PCDHA2: variants seen among roughly 807,000 people sequenced by gnomAD.
The protein encoded by PCDHA2 is protocadherin alpha 2, also known as protocadherin alpha-2.
PCDHA2 carries 58 observed loss-of-function variants against 66.0 expected under a neutral mutation model. The ratio of observed to expected loss-of-function variants is 0.88; its 90% CI spans 0.71 to 1.09. The LOEUF (loss-of-function observed/expected upper bound fraction) is 1.09. Ranked by LOEUF, PCDHA2 falls within the 50% of genes least tolerant of loss-of-function variation. The pLI is 0.00. For synonymous variants in PCDHA2, 634 were observed against 554.0 expected (o/e 1.14, Z -2.03); for missense variants, 1,267 against 1,242.3 (o/e 1.02, Z -0.30).
rs144848413 is a variant in PCDHA2 at position 140,843,473 on chromosome 5, T to C, written c.2388+46121T>C. 4.9e-4 allele frequency: 775 copies of C among 1,595,974 alleles called. 42 individuals carry two copies. The African/African-American group carries it at 8.9e-3, about 18-fold the overall frequency. On this transcript the variant is annotated intron_variant, in intron 1 of 3. Coordinates refer to ENST00000526136, the MANE Select transcript of PCDHA2 (RefSeq NM_018905.3). ...CCTGCTGGTGCTCACGCTGCTGCTG[T>C]ACACTGCGCTGCGGTGCTCAGCACT...
At chr5:140,835,666 G>A in intron 1 of PCDHA2, 3 of 1,613,936 alleles carry the variant, frequency 1.9e-6, no homozygotes, top group Middle Eastern at 3.3e-4. Flanking sequence ...GTTACCGCGC[G>A]GGACGGGGGC....
chr5:140,858,465 T>C lies in PCDHA2; in HGVS notation c.2388+61113T>C, dbSNP rs1554151663. The C allele has an allele frequency of 1.3e-6, 2 of 1,522,706 alleles. 1 individual carries two copies. The allele number at this position is 1,522,706 out of a possible 1,614,324, so 94.3% of individuals were successfully genotyped here. ...GGTTATTACGTTTTCATTTTCCTTT[T>C]GTGCTTTATGAATAATATTTTCTCT... On this transcript the variant is annotated intron_variant, in intron 1 of 3. Coordinates refer to ENST00000526136, the MANE Select transcript of PCDHA2 (RefSeq NM_018905.3).
At chr5:140,882,282 G>A in intron 1 of PCDHA2, 3 of 1,612,830 alleles carry the variant, frequency 1.9e-6, no homozygotes, top group Non-Finnish European at 2.5e-6. Context: ...CTGTCTTCCT[G>A]GCAAGGAGGC....
rs373471484 is a variant in PCDHA2, at chr5:140,997,017, TA to T, written c.2537-12609del. 5.1e-4 allele frequency among the ~76,000 whole-genome samples: 78 copies of T among 152,304 alleles called. No individual in the cohort carries two copies. The South Asian group carries it at 0.011, about 21-fold the overall frequency. ...TAACAATTTTGTGTGTATCCTCCAA[TA>T]TTTTTTTGAAATTAATGAACTTTAC... On this transcript the variant is annotated intron_variant, in intron 3 of 3. Transcript: ENST00000526136.
intron 3 of PCDHA2, among the ~76,000 whole-genome samples, chr5:141,006,952 A>G (rs2098296225): frequency 1.3e-5 from 2 of 152,212 alleles, no homozygotes; most frequent in South Asian, 4.1e-4. Flanking sequence ...ATAGGCAGTT[A>G]TACATGAGAT....
chr5:140,963,856 C>T lies in PCDHA2; in HGVS notation c.2389-15093C>T, dbSNP rs76429225. 1.1e-4 allele frequency among the ~76,000 whole-genome samples: 16 copies of T among 152,242 alleles called. No individual in the cohort carries two copies. The East Asian group carries it at 2.5e-3, about 24-fold the overall frequency. On this transcript the variant is annotated intron_variant, in intron 1 of 3. Coordinates refer to ENST00000526136, the MANE Select transcript of PCDHA2 (RefSeq NM_018905.3). ...TTTCTCATGTAATCATAATAATAAC[C>T]GTATGAGTTTTGCTTACTATTGTTT... is the stretch of plus-strand genomic sequence containing the variant.
rs1781520198 is a variant in PCDHA2, at chr5:140,848,443, T to C, written c.2388+51091T>C. ...ATGGGACTGACGAAATCAGATGATTTCTTCTAATTTGGAGGCAATTTTCAC... is the reference window on the plus strand; with the variant it reads ...ATGGGACTGACGAAATCAGATGATTCCTTCTAATTTGGAGGCAATTTTCAC... On this transcript the variant is annotated intron_variant, in intron 1 of 3. Transcript: ENST00000526136. 5.4e-6 allele frequency: 8 copies of C among 1,493,744 alleles called. 1 individual carries two copies. The highest frequency in any genetic ancestry group is 7.3e-6 in the Non-Finnish European group (8 of 1,096,078). 92.5% of individuals were successfully genotyped at this position (1,493,744 alleles called of 1,614,324 possible).
intron 1 of PCDHA2, among the ~76,000 whole-genome samples, chr5:140,951,795 C>T (rs2094636851): frequency 6.6e-6 from 1 of 152,166 alleles, no homozygotes; most frequent in African/African-American, 2.4e-5. Context: ...ACAATTATCC[C>T]TTCCCAATGG....
chr5:140,999,890 T>C (rs2097882236), intron 3 of PCDHA2, among the ~76,000 whole-genome samples: 1 of 152,168 alleles, frequency 6.6e-6, no homozygotes, highest in South Asian at 2.1e-4. Context: ...CAGCTGTAGC[T>C]TGGGACACCA....
At chr5:140,998,696 C>G (rs1587806526) in intron 3 of PCDHA2, among the ~76,000 whole-genome samples, 1 of 152,182 alleles carries the variant, frequency 6.6e-6, no homozygotes, top group East Asian at 1.9e-4. Flanking sequence ...TCCCAAGTAG[C>G]TGGGATTACA....
intron 3 of PCDHA2, among the ~76,000 whole-genome samples, chr5:141,005,512 G>C (rs1015892170): frequency 6.6e-6 from 1 of 151,536 alleles, no homozygotes; most frequent in Non-Finnish European, 1.5e-5. Flanking sequence ...GACCATCCTG[G>C]CTAACACGGT....
At chr5:140,822,662 C>A in intron 1 of PCDHA2, 1 of 1,608,488 alleles carries the variant, frequency 6.2e-7, no homozygotes, top group Non-Finnish European at 8.5e-7. Flanking sequence ...ATAATTAATT[C>A]TAATACTGGT....
At chr5:140,962,295 A>G (rs1215334325) in intron 1 of PCDHA2, among the ~76,000 whole-genome samples, 2 of 152,196 alleles carry the variant, frequency 1.3e-5, no homozygotes, top group African/African-American at 4.8e-5. Flanking sequence ...TTAATATTCT[A>G]TGATTCTTGT....
At chr5:141,008,684 G>C (rs1426948038) in intron 3 of PCDHA2, among the ~76,000 whole-genome samples, 1 of 152,118 alleles carries the variant, frequency 6.6e-6, no homozygotes, top group Admixed American at 6.5e-5. Context: ...TTTAGTTATT[G>C]CATGTATTAA....
intron 1 of PCDHA2, among the ~76,000 whole-genome samples, chr5:140,798,798 T>A (rs116753814): frequency 2.0e-4 from 30 of 152,312 alleles, no homozygotes; most frequent in Non-Finnish European, 4.0e-4. Context: ...TGGAAAGAAC[T>A]TTTTTAGCTT....
At chr5:140,798,013 CG>C (rs1762289043) in intron 1 of PCDHA2, among the ~76,000 whole-genome samples, 2 of 152,044 alleles carry the variant, frequency 1.3e-5, no homozygotes, top group Admixed American at 1.3e-4. Context: ...CCACCACGCC[CG>C]GCTATTTTCT....
intron 1 of PCDHA2, chr5:140,877,750 T>C (rs782654875): frequency 6.2e-7 from 1 of 1,614,146 alleles, no homozygotes; most frequent in Non-Finnish European, 8.5e-7. Flanking sequence ...GAGGGTGTGC[T>C]CTGCAGAGAG....
chr5:140,794,996 C>T lies in PCDHA2; in HGVS notation c.32C>T (p.Ala11Val), dbSNP rs781865981. The T allele has an allele frequency of 5.0e-6, 8 of 1,613,562 alleles. No individual in the cohort carries two copies. Among genetic ancestry groups the T allele is most frequent in the African/African-American group, 1.3e-5 (1 of 74,942 alleles). ...TCTTCTATCAGAAGGGGCCGAGGGGCCTGGACACGGCTGCTCTCGCTTCTG... is the reference window on the plus strand; with the variant it reads ...TCTTCTATCAGAAGGGGCCGAGGGGTCTGGACACGGCTGCTCTCGCTTCTG... MASSIRRGRG[A>V]WTRLLSLLLL... The change falls in exon 1 of 4, where the codon GCC (alanine) becomes GTC (valine). Residue 11 changes from alanine (A) to valine (V), a missense_variant. Transcript: ENST00000526136.
intron 1 of PCDHA2, among the ~76,000 whole-genome samples, chr5:140,913,241 T>C (rs1325092057): frequency 6.6e-6 from 1 of 152,226 alleles, no homozygotes; most frequent in African/African-American, 2.4e-5. Context: ...GGGAGACTTT[T>C]TGTTACAACT....
Sources: allele counts gnomAD v4.1 joint callset (sites outside exome capture counted in the v4.1 genomes callset), GRCh38; gene constraint gnomAD v4.1.1; transcripts MANE v1.5; gene names NCBI Gene and HGNC (gene_info 2026-07-23, HGNC 2026-07-21).